BARD1: variants seen among roughly 807,000 people sequenced by gnomAD.
The protein encoded by BARD1 is BRCA1-associated RING domain protein 1.
Under a neutral mutation model 77.0 loss-of-function variants are expected in BARD1, and 73 were observed. That is an observed-to-expected ratio of 0.95 (90% CI 0.79 to 1.15). The LOEUF (loss-of-function observed/expected upper bound fraction) is 1.15, where lower values mean the gene tolerates loss of function less well. BARD1 is among the 50% of genes most tolerant of loss of function. BARD1 has a pLI of 0.00. For synonymous variants in BARD1, 384 were observed against 338.0 expected, an observed-to-expected ratio of 1.14 and a Z score of -1.49; for missense variants, 993 against 938.8, an observed-to-expected ratio of 1.06 and a Z score of -0.75.
Position 214,752,477 on chromosome 2 carries a change from ATTC to A in BARD1, c.1644_1646del (p.Lys548del). On this transcript the variant is annotated inframe_deletion, in exon 7 of 11. Coordinates refer to ENST00000260947, the MANE Select transcript of BARD1 (RefSeq NM_000465.4). ...AGCAGTGGCTAGCTGAGGATGATTC[ATTC>A]TTCTCTGGTAGCAGCAATAGCGATT... 1.2e-6 allele frequency: 2 copies of A among 1,613,618 alleles called. No individual in the cohort carries two copies. The highest frequency in any genetic ancestry group is 1.7e-6 in the Non-Finnish European group (2 of 1,179,636).
chr2:214,781,604 T>C, intron 3 of BARD1, 95 bp from the exon 4 acceptor site: 1 of 912,584 alleles, frequency 1.1e-6, no homozygotes, highest in Non-Finnish European at 1.7e-6. Flanking sequence ...CCCTAAAGTG[T>C]ATCATCTTTT....
intron 6 of BARD1, among the ~76,000 whole-genome samples, chr2:214,766,638 G>A (rs11890553): frequency 0.37 from 56,360 of 151,680 alleles, 10,583 homozygotes; most frequent in Middle Eastern, 0.45. Flanking sequence ...AAAATGTGCC[G>A]CTGCTCAAGT....
intron 6 of BARD1, among the ~76,000 whole-genome samples, chr2:214,760,278 C>T (rs547318126): frequency 3.3e-5 from 5 of 152,214 alleles, no homozygotes; most frequent in Middle Eastern, 3.4e-3. Context: ...CTGCAACCTC[C>T]GCTTCCCAGG....
At chr2:214,800,063 C>T (rs955917949) in intron 1 of BARD1, among the ~76,000 whole-genome samples, 9 of 152,210 alleles carry the variant, frequency 5.9e-5, no homozygotes, top group Admixed American at 2.6e-4. Context: ...CGTAGCCTTC[C>T]GGCTTTCTCT....
chr2:214,752,176 T>G (rs1351607835), intron 7 of BARD1, among the ~76,000 whole-genome samples: 1 of 152,218 alleles, frequency 6.6e-6, no homozygotes, highest in Admixed American at 6.5e-5. Context: ...TCTCACCAGA[T>G]GGTAAGCTCC....
chr2:214,729,614 A>G (rs893189161), intron 10 of BARD1, among the ~76,000 whole-genome samples: 1 of 152,148 alleles, frequency 6.6e-6, no homozygotes, highest in Non-Finnish European at 1.5e-5. Flanking sequence ...AAAATTTTAG[A>G]TATGCTTGGT....
intron 9 of BARD1, among the ~76,000 whole-genome samples, chr2:214,733,018 A>C (rs1176471689): frequency 1.3e-5 from 2 of 152,200 alleles, no homozygotes; most frequent in Non-Finnish European, 2.9e-5. Context: ...AAATACCTAG[A>C]ATCAAATAAC....
At chr2:214,759,497 C>G (rs1183311947) in intron 6 of BARD1, among the ~76,000 whole-genome samples, 1 of 151,854 alleles carries the variant, frequency 6.6e-6, no homozygotes. Context: ...AGGGTTAAAA[C>G]AGAACTGACT....
intron 3 of BARD1, among the ~76,000 whole-genome samples, chr2:214,785,930 G>C (rs1370067591): frequency 6.6e-6 from 1 of 151,894 alleles, no homozygotes; most frequent in Non-Finnish European, 1.5e-5. Context: ...AAAGAGAAGA[G>C]AGAGAGAGAC....
At chr2:214,780,507 T>C (rs1694932542) in intron 4 of BARD1, 53 bp downstream of exon 4, 6 of 1,501,668 alleles carry the variant, frequency 4.0e-6, no homozygotes, top group East Asian at 2.3e-5. Flanking sequence ...TGCAAAGAAA[T>C]TGCTTTATAG....
chr2:214,738,951 C>G (rs2106005720), intron 9 of BARD1, among the ~76,000 whole-genome samples: 1 of 152,034 alleles, frequency 6.6e-6, no homozygotes, highest in African/African-American at 2.4e-5. Context: ...TCAAGAACAG[C>G]CTGGGCAACA....
At chr2:214,746,985 C>T (rs1376006444) in intron 7 of BARD1, among the ~76,000 whole-genome samples, 4 of 152,026 alleles carry the variant, frequency 2.6e-5, no homozygotes, top group Non-Finnish European at 4.4e-5. Context: ...CCAGGATCTA[C>T]AATGAACTCA....
At position 214,726,362 on chromosome 2, in the gene BARD1, A is replaced by AG; in HGVS notation, c.*2313_*2314insC. 4.9e-6 allele frequency: 1 copy of AG among 205,448 alleles called. No homozygotes were observed. Among genetic ancestry groups the AG allele is most frequent in the Non-Finnish European group, 1.0e-5 (1 of 100,440 alleles). 12.7% of individuals were successfully genotyped at this position (205,448 alleles called of 1,614,324 possible). The stretch of plus-strand genomic sequence containing the variant: ...ATAGCCATGAGAATGTGGAAAAGCT[A>AG]CCAGCCTCTCACTTTTAGAGACACA... On this transcript the variant is annotated 3_prime_UTR_variant, in exon 11 of 11. Transcript: ENST00000260947.
At chr2:214,792,254 T>A in intron 3 of BARD1, 43 bp downstream of exon 3, 1 of 1,574,556 alleles carries the variant, frequency 6.4e-7, no homozygotes, top group South Asian at 1.1e-5. Flanking sequence ...TCATCAGTTT[T>A]TAACTGATGA....
chr2:214,797,370 G>A (rs1695808149), intron 1 of BARD1, among the ~76,000 whole-genome samples: 1 of 152,164 alleles, frequency 6.6e-6, no homozygotes, highest in African/African-American at 2.4e-5. Context: ...TTTCTAGAAA[G>A]TTGGAGAAAG....
chr2:214,739,076 G>A (rs1286035146), intron 9 of BARD1, among the ~76,000 whole-genome samples: 1 of 152,132 alleles, frequency 6.6e-6, no homozygotes, highest in Admixed American at 6.5e-5. Context: ...TTGAACCCAG[G>A]AGTTCATGGC....
chr2:214,731,929 T>C (rs1692373499), intron 9 of BARD1, among the ~76,000 whole-genome samples: 1 of 152,184 alleles, frequency 6.6e-6, no homozygotes, highest in South Asian at 2.1e-4. Flanking sequence ...ACAGATTGTA[T>C]CCACATCAAT....
chr2:214,787,799 T>C (rs918454599), intron 3 of BARD1, among the ~76,000 whole-genome samples: 1 of 152,016 alleles, frequency 6.6e-6, no homozygotes, highest in African/African-American at 2.4e-5. Context: ...AAATGTGATT[T>C]AGCTATCATT....
Position 214,728,637 on chromosome 2 carries a change from C to T in BARD1, c.*39G>A, listed in dbSNP as rs372927880. ...GTACAATGACTGGGCTCTCACAAAC[C>T]GTGCAAATTCAATTTGAAATGTTCA... On this transcript the variant is annotated 3_prime_UTR_variant, in exon 11 of 11. Transcript: ENST00000260947. The T allele has an allele frequency of 1.1e-5, 17 of 1,599,504 alleles. No homozygotes were observed. Among genetic ancestry groups the T allele is most frequent in the South Asian group, 6.6e-5 (6 of 90,374 alleles).
Sources: gnomAD v4.1 joint callset for allele counts (sites outside exome capture counted in the v4.1 genomes callset) on GRCh38, gnomAD v4.1.1 for gene constraint, MANE v1.5 for transcripts, NCBI Gene and HGNC (gene_info 2026-07-23, HGNC 2026-07-21) for gene names.